Variants in LMX1B observed in about 807,000 individuals in gnomAD.
LMX1B encodes the protein LIM homeobox transcription factor 1-beta.
Under a neutral mutation model 51.4 loss-of-function variants are expected in LMX1B, and 12 were observed. That is an observed-to-expected ratio of 0.23 (90% CI 0.15 to 0.38). LMX1B has a LOEUF of 0.38. Ranked by LOEUF, LMX1B falls within the 10% of genes least tolerant of loss-of-function variation. The pLI, the probability that LMX1B is intolerant of heterozygous loss-of-function variation, is 1.00. For missense variants in LMX1B, 445 were observed against 571.1 expected (o/e 0.78, Z 2.25); for synonymous variants, 237 against 235.4 (o/e 1.01, Z -0.06).
Position 126,614,393 on chromosome 9 carries a change from G to A in LMX1B, c.-57G>A. ...GGGCCGCGGCGGCGGAGAGCGGGTGGACGGGCCGGCGGGCGAGCAGCCCGG... is the reference window on the plus strand; with the variant it reads ...GGGCCGCGGCGGCGGAGAGCGGGTGAACGGGCCGGCGGGCGAGCAGCCCGG... On this transcript the variant is annotated 5_prime_UTR_variant, in exon 1 of 8. Transcript: ENST00000373474. The A allele has an allele frequency of 7.7e-7, 1 of 1,303,384 alleles. No individual in the cohort carries two copies. Among genetic ancestry groups the A allele is most frequent in the African/African-American group, 1.6e-5 (1 of 63,450 alleles). The allele number at this position is 1,303,384 out of a possible 1,614,324, so 80.7% of individuals were successfully genotyped here.
At chr9:126,685,363 C>G (rs138738017) in intron 2 of LMX1B, among the ~76,000 whole-genome samples, 1 of 152,104 alleles carries the variant, frequency 6.6e-6, no homozygotes, top group African/African-American at 2.4e-5. Context: ...ACAGCGAGGT[C>G]TTTGGGCTTA....
At chr9:126,638,813 T>C (rs923555598) in intron 2 of LMX1B, among the ~76,000 whole-genome samples, 3 of 152,074 alleles carry the variant, frequency 2.0e-5, no homozygotes, top group African/African-American at 7.2e-5. Context: ...AATTACTCCA[T>C]TGATATTCCT....
In LMX1B at chr9:126,658,088, G is replaced by C. The variant is rs1439061417; in HGVS notation, c.327-32748G>C. Among the ~76,000 whole-genome samples the C allele has an allele frequency of 6.6e-6, 1 of 152,078 alleles. No homozygotes were observed. The highest frequency in any genetic ancestry group is 6.5e-5 in the Admixed American group (1 of 15,268). On this transcript the variant is annotated intron_variant, in intron 2 of 7. Coordinates refer to ENST00000373474, the MANE Select transcript of LMX1B (RefSeq NM_001174147.2). This position sits in a 1 kb window ranked among gnomAD's most constrained non-coding sequence, Gnocchi z 4.0. The stretch of plus-strand genomic sequence containing the variant: ...TCTTAGAAGAGGGGCCAAGGGACCT[G>C]AGTGGGAACAACCAAGCCGGAGACT...
chr9:126,674,656 C>T (rs996417829), intron 2 of LMX1B, among the ~76,000 whole-genome samples: 1 of 152,200 alleles, frequency 6.6e-6, no homozygotes, highest in African/African-American at 2.4e-5. Flanking sequence ...GCTCCCCCAT[C>T]CACGTCCACC....
chr9:126,693,024 C>A, intron 3 of LMX1B, 118 bp from the exon 4 acceptor site: 2 of 1,085,788 alleles, frequency 1.8e-6, no homozygotes, highest in Non-Finnish European at 2.6e-6. Context: ...TGGGGAGCCA[C>A]GGCAGGTGTC....
intron 2 of LMX1B, among the ~76,000 whole-genome samples, chr9:126,688,036 G>A (rs150949987): frequency 6.6e-6 from 1 of 152,342 alleles, no homozygotes; most frequent in Non-Finnish European, 1.5e-5. Context: ...TTTATTGGGT[G>A]GAGAGATGCT....
chr9:126,655,467 G>C (rs1836098737), intron 2 of LMX1B, among the ~76,000 whole-genome samples: 1 of 152,168 alleles, frequency 6.6e-6, no homozygotes, highest in South Asian at 2.1e-4. Flanking sequence ...GGAGCTTTAA[G>C]GTGACCGTGT....
intron 2 of LMX1B, among the ~76,000 whole-genome samples, chr9:126,645,381 C>T (rs1307061332): frequency 2.0e-5 from 3 of 152,242 alleles, no homozygotes; most frequent in Non-Finnish European, 2.9e-5. Flanking sequence ...GGGAGACATA[C>T]ATGGGATCCC....
In LMX1B at chr9:126,696,531, C is replaced by T. The variant is rs1351907580; in HGVS notation, c.*80C>T. 2 of 1,525,282 alleles carry T rather than the reference C, an allele frequency of 1.3e-6. No homozygotes were observed. Among genetic ancestry groups the T allele is most frequent in the African/African-American group, 2.8e-5 (2 of 72,608 alleles). The allele number at this position is 1,525,282 out of a possible 1,614,324, so 94.5% of individuals were successfully genotyped here. On this transcript the variant is annotated 3_prime_UTR_variant, in exon 8 of 8. Transcript: ENST00000373474. ...TCTGCGGCCAGCCTGGCCACCCCCG[C>T]CCTGCTCTCCGCACAGACTACAGAC...
Position 126,659,820 on chromosome 9 carries a change from A to G in LMX1B, c.327-31016A>G, listed in dbSNP as rs144560043. 3.8e-3 allele frequency among the ~76,000 whole-genome samples: 579 copies of G among 151,224 alleles called. 5 individuals are homozygous for G. Among genetic ancestry groups the G allele is most frequent in the African/African-American group, 0.014 (555 of 41,000 alleles). ...CAGAGATTATCTTGTATGTGTGTCT[A>G]CACAGGCCTTGGAGATTGTCCTGTG... On this transcript the variant is annotated intron_variant, in intron 2 of 7. Coordinates refer to ENST00000373474, the MANE Select transcript of LMX1B (RefSeq NM_001174147.2).
At chr9:126,623,764 C>A (rs4593659) in intron 2 of LMX1B, among the ~76,000 whole-genome samples, 144 of 152,226 alleles carry the variant, frequency 9.5e-4, no homozygotes, top group Non-Finnish European at 1.7e-3. Flanking sequence ...CTCCTCTGCG[C>A]GGATTGCCCC....
At chr9:126,691,089 G>A in intron 3 of LMX1B, 21 bp downstream of exon 3, 3 of 1,575,972 alleles carry the variant, frequency 1.9e-6, no homozygotes, top group African/African-American at 1.4e-5. Flanking sequence ...GCCTGAGCTG[G>A]GGGCAGGCCT....
At chr9:126,686,224 G>A (rs1262455900) in intron 2 of LMX1B, among the ~76,000 whole-genome samples, 1 of 147,576 alleles carries the variant, frequency 6.8e-6, no homozygotes, top group African/African-American at 2.5e-5. Context: ...AGCTTGCAGT[G>A]AGCCGAGATC....
In LMX1B at chr9:126,625,814, G is replaced by GTGCCTGAGCCCCGC. The variant is rs1175607619; in HGVS notation, c.326+10252_326+10265dup. On this transcript the variant is annotated intron_variant, in intron 2 of 7. Transcript: ENST00000373474. The surrounding 1 kb of genome is among the most constrained non-coding windows in gnomAD (Gnocchi z 5.3). ...CGACTGGCCCTTCGACGTCGCCGCCGTGCCTGAGCCCCGCTGCCTGCTCGG... is the reference window on the plus strand; with the variant it reads ...CGACTGGCCCTTCGACGTCGCCGCCGTGCCTGAGCCCCGCTGCCTGAGCCCCGCTGCCTGCTCGG... Among the ~76,000 whole-genome samples the GTGCCTGAGCCCCGC allele has an allele frequency of 2.6e-5, 4 of 152,296 alleles. No individual in the cohort carries two copies. In the East Asian group the frequency reaches 7.7e-4, roughly 29 times the overall value.
At chr9:126,622,240 G>A (rs2118840264) in intron 2 of LMX1B, among the ~76,000 whole-genome samples, 1 of 152,280 alleles carries the variant, frequency 6.6e-6, no homozygotes. Flanking sequence ...GTGAACTGGG[G>A]GGAAGTGTTG....
intron 2 of LMX1B, among the ~76,000 whole-genome samples, chr9:126,617,197 C>T (rs1453887068): frequency 6.6e-6 from 1 of 151,908 alleles, no homozygotes; most frequent in African/African-American, 2.4e-5. Context: ...CTAGAGGAGC[C>T]CCTCTGTAGG....
chr9:126,688,425 G>A (rs61086171), intron 2 of LMX1B, among the ~76,000 whole-genome samples: 3,049 of 152,338 alleles, frequency 0.02, 65 homozygotes, highest in African/African-American at 0.056. Context: ...CGCTAGCAGC[G>A]ACACGGCCAG....
At position 126,677,713 on chromosome 9, in the gene LMX1B, G is replaced by A. The variant is rs1256823496; in HGVS notation, c.327-13123G>A. 1.3e-5 allele frequency among the ~76,000 whole-genome samples: 2 copies of A among 152,190 alleles called. No individual in the cohort carries two copies. The highest frequency in any genetic ancestry group is 6.5e-5 in the Admixed American group (1 of 15,284). On this transcript the variant is annotated intron_variant, in intron 2 of 7. Transcript: ENST00000373474. This position sits in a 1 kb window ranked among gnomAD's most constrained non-coding sequence, Gnocchi z 5.0. Reference sequence around the variant, plus strand: ...CTGAACTGGTTCCCGTGAGTGTAACGTCTAGTAGGAGCGTCTGCCAGCTTC... The same window carrying A: ...CTGAACTGGTTCCCGTGAGTGTAACATCTAGTAGGAGCGTCTGCCAGCTTC...
intron 2 of LMX1B, among the ~76,000 whole-genome samples, chr9:126,624,507 C>T (rs1048145213): frequency 2.6e-5 from 4 of 152,168 alleles, no homozygotes; most frequent in African/African-American, 9.7e-5. Context: ...AATCTAAGAC[C>T]CTTTTCCCGC....
Sources: gnomAD v4.1 joint callset for allele counts (sites outside exome capture counted in the v4.1 genomes callset) on GRCh38, gnomAD v4.1.1 for gene constraint, Gnocchi (gnomAD v3.1) non-coding constraint, MANE v1.5 for transcripts, NCBI Gene and HGNC (gene_info 2026-07-23, HGNC 2026-07-21) for gene names.